The following CFAP52 variants were observed in gnomAD, a reference collection of about 807,000 sequenced individuals.
The protein encoded by CFAP52 is cilia and flagella associated protein 52, also known as cilia- and flagella-associated protein 52.
In CFAP52, 57 loss-of-function variants were observed where a neutral mutation model predicts 70.5. The ratio of observed to expected loss-of-function variants is 0.81; its 90% confidence interval spans 0.65 to 1.01. CFAP52 has a LOEUF of 1.01. Among genes scored for constraint, CFAP52 ranks in the 50% least tolerant of loss-of-function variants. CFAP52 has a pLI of 0.00. For missense variants in CFAP52, 785 were observed against 788.5 expected, an observed-to-expected ratio of 1.00 and a Z score of 0.05; for synonymous variants, 267 against 292.5, an observed-to-expected ratio of 0.91 and a Z score of 0.89.
chr17:9,583,334 T>G lies in CFAP52; in HGVS notation c.71-2439T>G, dbSNP rs566943863. Among the ~76,000 whole-genome samples, 11 of 152,238 alleles carry G rather than the reference T, an allele frequency of 7.2e-5. 1 individual carries two copies. The East Asian group carries it at 2.1e-3, about 29-fold the overall frequency. On this transcript the variant is annotated intron_variant, in intron 1 of 13. Transcript: ENST00000352665. ...TGGCCATTTGAGCAAAAATAATCCA[T>G]TTAGCTACAGGAATCACATAAAGCA...
At position 9,628,809 on chromosome 17, in the gene CFAP52, G is replaced by C. The variant is rs747984041; in HGVS notation, c.1163G>C (p.Ser388Thr). The change falls in exon 9 of 14, where the codon AGC becomes ACC. Residue 388 changes from serine (S) to threonine (T), a missense_variant. Transcript: ENST00000352665. ...ATCGACTTCATGAGGGACGGCAAAA[G>C]CATCATTTCAGGTAACGTCCACATG... ...HGIDFMRDGK[S>T]IISAWNDGKI... The C allele has an allele frequency of 2.5e-6, 4 of 1,613,984 alleles. No individual in the cohort carries two copies. The highest frequency in any genetic ancestry group is 1.3e-5 in the African/African-American group (1 of 74,914).
intron 3 of CFAP52, among the ~76,000 whole-genome samples, chr17:9,591,499 A>G (rs1028159483): frequency 3.3e-5 from 5 of 152,220 alleles, no homozygotes; most frequent in Non-Finnish European, 7.3e-5. Context: ...CCATAATAGC[A>G]TAGTATTCCA....
intron 3 of CFAP52, among the ~76,000 whole-genome samples, 181 bp from the exon 4 acceptor site, chr17:9,594,012 C>G (rs1013021091): frequency 1.3e-5 from 2 of 152,052 alleles, no homozygotes; most frequent in Admixed American, 1.3e-4. Context: ...AATGTGTCAC[C>G]GTTGTGTCTT....
intron 3 of CFAP52, among the ~76,000 whole-genome samples, chr17:9,592,824 C>T (rs1031092158): frequency 2.6e-5 from 4 of 152,140 alleles, no homozygotes; most frequent in Non-Finnish European, 5.9e-5. Flanking sequence ...TATGAACATT[C>T]GTGTACAAGA....
rs1317683877 is a variant in CFAP52 at position 9,643,062 on chromosome 17, A to T, written c.1727A>T (p.Glu576Val). 5.0e-6 allele frequency: 8 copies of T among 1,610,338 alleles called. No individual in the cohort carries two copies. Among genetic ancestry groups the T allele is most frequent in the Admixed American group, 1.7e-5 (1 of 59,312 alleles). The change falls in exon 14 of 14, where the codon GAG (glutamate) becomes GTG (valine). Residue 576 changes from glutamate (E) to valine (V), a missense_variant. Physicochemically the swap from Glu to Val is moderately radical, Grantham distance 121. Transcript: ENST00000352665. ...CTGGTCAAAGTTTGGGATTATAATG[A>T]GGGTGAAGTGACTCACGTTGGGGTG... ...DHLVKVWDYNEGEVTHVGVGH... is the reference protein window; with the variant it reads ...DHLVKVWDYNVGEVTHVGVGH...
intron 3 of CFAP52, among the ~76,000 whole-genome samples, chr17:9,591,252 G>T (rs570615730): frequency 6.8e-4 from 103 of 151,908 alleles, no homozygotes; most frequent in African/African-American, 2.3e-3. Flanking sequence ...TGGTCAGGCT[G>T]GTCTCGAACT....
rs79561054 is a variant in CFAP52 at position 9,632,338 on chromosome 17, C to T, written c.1175-550C>T. On this transcript the variant is annotated intron_variant, in intron 9 of 13. Transcript: ENST00000352665. ...TGTGCTCCTAGACTCAAGCAATCCA[C>T]CCACCTTGGCCTCCCAAAGTGCAAA... Among the ~76,000 whole-genome samples the T allele has an allele frequency of 2.9e-3, 439 of 151,828 alleles. 4 individuals carry two copies. The highest frequency in any genetic ancestry group is 0.01 in the Middle Eastern group (3 of 294).
intron 9 of CFAP52, among the ~76,000 whole-genome samples, chr17:9,630,760 G>A (rs1383871971): frequency 6.6e-6 from 1 of 150,376 alleles, no homozygotes; most frequent in South Asian, 2.1e-4. Context: ...GTAGAGATGG[G>A]GTTTCGCCTG....
At chr17:9,612,171 G>T in intron 7 of CFAP52, 138 bp from the exon 8 acceptor site, 2 of 1,131,196 alleles carry the variant, frequency 1.8e-6, no homozygotes, top group Non-Finnish European at 2.5e-6. Flanking sequence ...AGTAACTCCT[G>T]CCTTTTCAAC....
At chr17:9,611,090 C>T (rs1456548369) in intron 7 of CFAP52, among the ~76,000 whole-genome samples, 1 of 152,176 alleles carries the variant, frequency 6.6e-6, no homozygotes, top group Non-Finnish European at 1.5e-5. Context: ...ATCTTCCTTT[C>T]GTCATTAACT....
intron 4 of CFAP52, among the ~76,000 whole-genome samples, chr17:9,595,712 G>A (rs905912411): frequency 3.9e-5 from 6 of 151,922 alleles, no homozygotes; most frequent in Non-Finnish European, 7.4e-5. Flanking sequence ...ATGTGACACT[G>A]AGAACTGAGA....
intron 4 of CFAP52, among the ~76,000 whole-genome samples, chr17:9,597,299 G>A (rs929581797): frequency 6.6e-6 from 1 of 152,044 alleles, no homozygotes; most frequent in Non-Finnish European, 1.5e-5. Context: ...GATGCACACA[G>A]GTTATGTACA....
At chr17:9,608,368 G>A (rs1050197905) in intron 7 of CFAP52, 149 bp downstream of exon 7, 10 of 620,114 alleles carry the variant, frequency 1.6e-5, no homozygotes, top group Non-Finnish European at 2.6e-5. Flanking sequence ...AATCACAATA[G>A]ATGGTGGCTT....
At chr17:9,633,488 A>G (rs1433227330) in intron 10 of CFAP52, among the ~76,000 whole-genome samples, 1 of 152,060 alleles carries the variant, frequency 6.6e-6, no homozygotes, top group Admixed American at 6.5e-5. Flanking sequence ...TACAGGTATG[A>G]GCAACCATGC....
chr17:9,640,389 T>TC (rs1184745188), intron 12 of CFAP52, among the ~76,000 whole-genome samples: 2 of 150,834 alleles, frequency 1.3e-5, no homozygotes, highest in African/African-American at 2.4e-5. Context: ...ATGCTCTTCC[T>TC]CCCCCCACCC....
chr17:9,622,893 G>T (rs887907630), intron 8 of CFAP52, among the ~76,000 whole-genome samples: 1 of 151,708 alleles, frequency 6.6e-6, no homozygotes, highest in African/African-American at 2.4e-5. Flanking sequence ...AGTTTTACCT[G>T]CTTTTGAACT....
intron 7 of CFAP52, chr17:9,610,385 G>C (rs922308504): frequency 1.3e-5 from 2 of 152,162 alleles, no homozygotes; most frequent in Non-Finnish European, 2.9e-5. Context: ...GTGTGACAGT[G>C]CAGAATTAAA....
chr17:9,598,123 A>G, intron 4 of CFAP52, 111 bp from the exon 5 acceptor site: 4 of 792,054 alleles, frequency 5.1e-6, no homozygotes, highest in South Asian at 3.4e-5. Context: ...GCACTAGGCC[A>G]TAACGAAGCC....
Position 9,612,327 on chromosome 17 carries a change from C to T in CFAP52, c.873C>T (p.Gly291=), listed in dbSNP as rs762482958. 66 of 1,613,908 alleles carry T rather than the reference C, an allele frequency of 4.1e-5. 1 individual carries two copies. Among genetic ancestry groups the T allele is most frequent in the East Asian group, 4.0e-4 (18 of 44,896 alleles). Residue 291 remains glycine (G), a synonymous_variant, in exon 8 of 14, where the codon GGC becomes GGT. Transcript: ENST00000352665. ...YKPIKKIQLQ[G]GITSITLRGE... ...CCTAAAGGAAGATTCAGTTACAAGG[C>T]GGCATCACTTCTATCACACTTCGAG...
Sources: gnomAD v4.1 joint callset for allele counts (sites outside exome capture counted in the v4.1 genomes callset) on GRCh38, gnomAD v4.1.1 for gene constraint, MANE v1.5 for transcripts, NCBI Gene and HGNC (gene_info 2026-07-23, HGNC 2026-07-21) for gene names.